The following VWA8 variants were observed in gnomAD, a reference collection of about 807,000 sequenced individuals.
The protein encoded by VWA8 is von Willebrand factor A domain-containing protein 8.
In VWA8, 221 loss-of-function variants were observed where a neutral mutation model predicts 241.5. The observed-to-expected ratio is 0.91, with a 90% CI of 0.82 to 1.02. The LOEUF is 1.02. VWA8 is among the 50% of genes least tolerant of loss of function. The pLI, the probability that VWA8 is intolerant of heterozygous loss-of-function variation, is 0.00. For missense variants in VWA8, 2,322 were observed against 2,328.7 expected, an observed-to-expected ratio of 1.00 and a Z score of 0.06; for synonymous variants, 852 against 827.1, an observed-to-expected ratio of 1.03 and a Z score of -0.52.
chr13:41,632,378 C>T (rs918024670), intron 37 of VWA8, among the ~76,000 whole-genome samples: 1 of 152,098 alleles, frequency 6.6e-6, no homozygotes, highest in Non-Finnish European at 1.5e-5. Context: ...GGTAGGTAGA[C>T]AAGCCATTAT....
At chr13:41,679,597 A>C (rs1157757164) in intron 35 of VWA8, among the ~76,000 whole-genome samples, 1 of 152,038 alleles carries the variant, frequency 6.6e-6, no homozygotes, top group East Asian at 1.9e-4. Context: ...AGTTGGAAGA[A>C]AGCAATAAAT....
chr13:41,659,143 G>A (rs1337286352), intron 37 of VWA8, among the ~76,000 whole-genome samples: 4 of 152,234 alleles, frequency 2.6e-5, no homozygotes, highest in Non-Finnish European at 2.9e-5. Flanking sequence ...AAGCTGATCA[G>A]TAACAACATC....
At chr13:41,640,043 T>A (rs916932318) in intron 37 of VWA8, among the ~76,000 whole-genome samples, 2 of 152,176 alleles carry the variant, frequency 1.3e-5, no homozygotes, top group African/African-American at 4.8e-5. Flanking sequence ...ACATCACTAC[T>A]CTACGATTTC....
chr13:41,746,996 T>C (rs1401972558), intron 21 of VWA8, among the ~76,000 whole-genome samples: 2 of 152,220 alleles, frequency 1.3e-5, no homozygotes, highest in Non-Finnish European at 2.9e-5. Flanking sequence ...TTTTGGTTAC[T>C]GTAGCCTTGT....
intron 42 of VWA8, among the ~76,000 whole-genome samples, chr13:41,579,193 G>A (rs2044368025): frequency 6.6e-6 from 1 of 152,128 alleles, no homozygotes; most frequent in Admixed American, 6.5e-5. Context: ...ATCATCTAAG[G>A]CTATTTATTA....
chr13:41,660,668 G>A (rs1171816402), intron 37 of VWA8, among the ~76,000 whole-genome samples: 1 of 152,102 alleles, frequency 6.6e-6, no homozygotes, highest in East Asian at 1.9e-4. Flanking sequence ...ACTCACTTCT[G>A]TGCACTGAAT....
At chr13:41,721,850 G>A (rs1004484834) in intron 24 of VWA8, among the ~76,000 whole-genome samples, 22 of 151,648 alleles carry the variant, frequency 1.5e-4, no homozygotes, top group African/African-American at 5.3e-4. Context: ...ATACAAAGAG[G>A]AAAAAAAATT....
rs536389053 is a variant in VWA8 at position 41,787,097 on chromosome 13, CA to C, written c.2170+339del. ...TGCAAAGAAAACAGCATTCTAGATT[CA>C]CTGGTGAAATACATTTGGAAAAAGT... On this transcript the variant is annotated intron_variant, in intron 18 of 44. Transcript: ENST00000379310. Among the ~76,000 whole-genome samples the C allele has an allele frequency of 6.2e-3, 934 of 149,680 alleles. 5 individuals are homozygous for C. Among genetic ancestry groups the C allele is most frequent in the Non-Finnish European group, 0.011 (710 of 67,554 alleles).
At chr13:41,628,820 A>C (rs2044709187) in intron 37 of VWA8, among the ~76,000 whole-genome samples, 1 of 152,196 alleles carries the variant, frequency 6.6e-6, no homozygotes, top group African/African-American at 2.4e-5. Context: ...AGGTGGGCAG[A>C]TCATGAGGTC....
In VWA8 at chr13:41,568,248, G is replaced by T. The variant is rs1262814718; in HGVS notation, c.5667C>A (p.Ile1889=). 6.2e-7 allele frequency: 1 copy of T among 1,613,942 alleles called. No homozygotes were observed. Among genetic ancestry groups the T allele is most frequent in the South Asian group, 1.1e-5 (1 of 91,074 alleles). The change falls in exon 45 of 45, where the codon ATC becomes ATA. Residue 1889 remains isoleucine, a synonymous_variant. Coordinates refer to ENST00000379310, the MANE Select transcript of VWA8 (RefSeq NM_015058.2). ...TGAAGATCTGTTGTAAAATCTGAGG[G>T]ATATCCTTGGTATCCATGGCAACGA... ...RSFVAMDTKD[I]PQILQQIFTS...
intron 16 of VWA8, 124 bp downstream of exon 16, chr13:41,816,574 G>T: frequency 3.6e-6 from 3 of 844,850 alleles, no homozygotes; most frequent in Non-Finnish European, 5.6e-6. Flanking sequence ...CAAAGGCATA[G>T]CATAAGGGAT....
At chr13:41,637,149 A>T (rs1215090094) in intron 37 of VWA8, among the ~76,000 whole-genome samples, 1 of 151,710 alleles carries the variant, frequency 6.6e-6, no homozygotes, top group African/African-American at 2.4e-5. Flanking sequence ...ACAATAGCAG[A>T]CTTGGAACCA....
At chr13:41,682,969 G>C (rs188378852) in intron 35 of VWA8, among the ~76,000 whole-genome samples, 104 of 152,230 alleles carry the variant, frequency 6.8e-4, no homozygotes, top group Non-Finnish European at 9.6e-4. Flanking sequence ...AGTGCTGACA[G>C]GGATGCAGTG....
intron 44 of VWA8, among the ~76,000 whole-genome samples, chr13:41,568,978 C>T (rs2044281875): frequency 6.6e-6 from 1 of 152,148 alleles, no homozygotes; most frequent in Non-Finnish European, 1.5e-5. Context: ...AGTTACGATA[C>T]TTTTTTAAAT....
intron 9 of VWA8, among the ~76,000 whole-genome samples, chr13:41,874,975 T>C (rs1283129767): frequency 6.6e-6 from 1 of 152,110 alleles, no homozygotes; most frequent in Non-Finnish European, 1.5e-5. Flanking sequence ...CATACTTTAC[T>C]AGAATGTAAG....
intron 37 of VWA8, among the ~76,000 whole-genome samples, chr13:41,624,632 T>C (rs1401734641): frequency 2.0e-5 from 3 of 152,208 alleles, no homozygotes; most frequent in South Asian, 2.1e-4. Flanking sequence ...CATCCCTTTA[T>C]GTTAAAACCC....
At chr13:41,696,296 T>C (rs1467773631) in intron 29 of VWA8, among the ~76,000 whole-genome samples, 1 of 152,214 alleles carries the variant, frequency 6.6e-6, no homozygotes, top group African/African-American at 2.4e-5. Flanking sequence ...TAATTTCTGG[T>C]GGCAAGGACT....
chr13:41,619,012 A>C (rs557847278), intron 37 of VWA8, among the ~76,000 whole-genome samples: 2 of 152,306 alleles, frequency 1.3e-5, no homozygotes, highest in African/African-American at 4.8e-5. Context: ...TCTGTGAAGA[A>C]AGTCATTGGT....
chr13:41,863,395 T>TTGTGTG lies in VWA8; in HGVS notation c.1425+2335_1425+2340dup, dbSNP rs140177608. On this transcript the variant is annotated intron_variant, in intron 12 of 44. Transcript: ENST00000379310. ...ATATGTGTGTGTGTGTATCTCCTAT[T>TTGTGTG]TGTGTGTGTGTGTGTGTGTGTGTGT... 1.1e-3 allele frequency among the ~76,000 whole-genome samples: 103 copies of TTGTGTG among 90,082 alleles called. 1 individual carries two copies. Among genetic ancestry groups the TTGTGTG allele is most frequent in the Non-Finnish European group, 1.9e-3 (82 of 42,962 alleles). The allele number at this position is 90,082 out of a possible 152,430, so 59.1% of individuals were successfully genotyped here. A position where few individuals can be genotyped will look rare whatever the true frequency, so the allele number is the denominator to read the frequency against.
Sources: gnomAD v4.1 joint callset for allele counts (sites outside exome capture counted in the v4.1 genomes callset) on GRCh38, gnomAD v4.1.1 for gene constraint, MANE v1.5 for transcripts, NCBI Gene and HGNC (gene_info 2026-07-23, HGNC 2026-07-21) for gene names.